Variants in ANKFY1 observed in about 807,000 individuals in gnomAD.
The protein encoded by ANKFY1 is ankyrin repeat and FYVE domain-containing protein 1.
ANKFY1 carries 47 observed loss-of-function variants against 128.3 expected under a neutral mutation model. That is an observed-to-expected ratio of 0.37 (90% confidence interval 0.29 to 0.47). The LOEUF (loss-of-function observed/expected upper bound fraction) is 0.47, where lower values mean the gene tolerates loss of function less well. Ranked by LOEUF, ANKFY1 falls within the 20% of genes least tolerant of loss-of-function variation. ANKFY1 has a pLI of 1.00. For missense variants in ANKFY1, 1,222 were observed against 1,510.6 expected (o/e 0.81, Z 3.17); for synonymous variants, 553 against 601.6 (o/e 0.92, Z 1.18).
At chr17:4,202,565 C>T (rs1230499906) in intron 7 of ANKFY1, among the ~76,000 whole-genome samples, 14 of 149,584 alleles carry the variant, frequency 9.4e-5, no homozygotes, top group Admixed American at 7.4e-4. Flanking sequence ...GGCATGGTGG[C>T]GCGCGCCTGT....
At chr17:4,195,297 TAACTTC>T in intron 9 of ANKFY1, 100 bp downstream of exon 9, 1 of 1,434,790 alleles carries the variant, frequency 7.0e-7, no homozygotes, top group Admixed American at 2.0e-5. Flanking sequence ...TAGCTCACTT[TAACTTC>T]TTAATATATG....
intron 4 of ANKFY1, among the ~76,000 whole-genome samples, chr17:4,210,439 T>C (rs1235184709): frequency 6.6e-6 from 1 of 152,224 alleles, no homozygotes; most frequent in African/African-American, 2.4e-5. Flanking sequence ...CTGGGTGCAG[T>C]GGCTCACGCC....
intron 1 of ANKFY1, among the ~76,000 whole-genome samples, chr17:4,259,274 A>G (rs1178515735): frequency 6.6e-6 from 1 of 152,178 alleles, no homozygotes; most frequent in Non-Finnish European, 1.5e-5. Flanking sequence ...GCTCTTAAAC[A>G]CTACATTTTA....
At chr17:4,254,368 AG>A (rs2143524253) in intron 1 of ANKFY1, among the ~76,000 whole-genome samples, 1 of 150,846 alleles carries the variant, frequency 6.6e-6, no homozygotes, top group African/African-American at 2.4e-5. Context: ...CACTCAGAGT[AG>A]GTCTTGTGAA....
intron 4 of ANKFY1, among the ~76,000 whole-genome samples, chr17:4,214,261 A>G (rs2060184297): frequency 6.6e-6 from 1 of 152,218 alleles, no homozygotes. Flanking sequence ...ATCTTTTATT[A>G]AAGCTGGCAG....
rs140551682 is a variant in ANKFY1, at chr17:4,222,701, G to A, written c.323-5583C>T. The A allele has an allele frequency of 7.2e-4, 619 of 865,730 alleles. 1 individual carries two copies. The highest frequency in any genetic ancestry group is 7.1e-4 in the Non-Finnish European group (356 of 499,732). 53.6% of individuals were successfully genotyped at this position (865,730 alleles called of 1,614,324 possible). On this transcript the variant is annotated intron_variant, in intron 3 of 24. Transcript: ENST00000341657. The stretch of plus-strand genomic sequence containing the variant: ...GACACGCAGCTCCAACCACTTCTAC[G>A]CGTGTTTTATATTAGGGTAGGGTTT...
chr17:4,170,649 C>T, intron 23 of ANKFY1, 66 bp downstream of exon 23: 4 of 1,539,976 alleles, frequency 2.6e-6, no homozygotes, highest in African/African-American at 1.4e-5. Flanking sequence ...ATCACCAATA[C>T]AATACATGGC....
chr17:4,263,867 T>G (rs899859240), intron 1 of ANKFY1, 65 bp downstream of exon 1: 9 of 1,612,834 alleles, frequency 5.6e-6, no homozygotes, highest in African/African-American at 1.3e-5. Context: ...CACGGCAGCT[T>G]CGCACGGCCA....
intron 1 of ANKFY1, among the ~76,000 whole-genome samples, chr17:4,256,378 A>T (rs1185438656): frequency 6.6e-6 from 1 of 152,114 alleles, no homozygotes; most frequent in Non-Finnish European, 1.5e-5. Context: ...CAGTGAGCTG[A>T]GATCGCACCA....
At chr17:4,194,175 C>T (rs2059773971) in intron 10 of ANKFY1, among the ~76,000 whole-genome samples, 1 of 135,606 alleles carries the variant, frequency 7.4e-6, no homozygotes, top group East Asian at 2.2e-4. Context: ...ATGGCACGAT[C>T]TTGGCTCACT....
At chr17:4,168,128 A>G (rs2059244270) in intron 24 of ANKFY1, 2 of 444,794 alleles carry the variant, frequency 4.5e-6, no homozygotes, top group Admixed American at 3.8e-5. Context: ...GCAATACTGA[A>G]GAAGGCTTTT....
chr17:4,230,243 G>C (rs1218141296), intron 3 of ANKFY1, among the ~76,000 whole-genome samples: 1 of 152,208 alleles, frequency 6.6e-6, no homozygotes, highest in Non-Finnish European at 1.5e-5. Context: ...CCCAACCAGA[G>C]TGAAAAGGAA....
At position 4,208,031 on chromosome 17, in the gene ANKFY1, T is replaced by C; in HGVS notation, c.634A>G (p.Lys212Glu). 1.2e-6 allele frequency: 2 copies of C among 1,611,792 alleles called. No individual in the cohort carries two copies. The highest frequency in any genetic ancestry group is 1.7e-6 in the Non-Finnish European group (2 of 1,179,116). Residue 212 changes from lysine (K) to glutamate (E), a missense_variant, in exon 6 of 25, where the codon AAA becomes GAA. By Grantham distance (56) the Lys-to-Glu change is moderately conservative. Coordinates refer to ENST00000341657, the MANE Select transcript of ANKFY1 (RefSeq NM_001330063.2). ...FSSMSAQLLYKMIKSKTEYPL... is the reference protein window; with the variant it reads ...FSSMSAQLLYEMIKSKTEYPL... ...TACTCTGTCTTGGATTTGATCATTT[T>C]GTATAACAACTGAGCGCTCATGCTG...
intron 1 of ANKFY1, among the ~76,000 whole-genome samples, chr17:4,261,657 C>CA (rs1356882409): frequency 6.6e-6 from 1 of 152,244 alleles, no homozygotes; most frequent in Non-Finnish European, 1.5e-5. Flanking sequence ...TATGCTGACT[C>CA]AGCCTGTATG....
At chr17:4,179,177 G>A in intron 17 of ANKFY1, 120 bp from the exon 18 acceptor site, 1 of 1,091,780 alleles carries the variant, frequency 9.2e-7, no homozygotes, top group South Asian at 1.4e-5. Context: ...CTACCACCCT[G>A]TGTTTGACTC....
At chr17:4,244,387 A>G (rs1489488585) in intron 1 of ANKFY1, among the ~76,000 whole-genome samples, 1 of 152,194 alleles carries the variant, frequency 6.6e-6, no homozygotes, top group African/African-American at 2.4e-5. Flanking sequence ...TTCCCTGAGG[A>G]AGCCGTCATG....
rs574424971 is a variant in ANKFY1 at position 4,198,155 on chromosome 17, T to C, written c.899-578A>G. Among the ~76,000 whole-genome samples, 11 of 150,944 alleles carry C rather than the reference T, an allele frequency of 7.3e-5. No individual in the cohort carries two copies. The East Asian group carries it at 2.1e-3, about 29-fold the overall frequency. On this transcript the variant is annotated intron_variant, in intron 7 of 24. Transcript: ENST00000341657. ...AAAAAAAAAAAAAAGAACACTAGGCTTCTACTCTTCAAAGGCCTCCTTCGG... is the reference window on the plus strand; with the variant it reads ...AAAAAAAAAAAAAAGAACACTAGGCCTCTACTCTTCAAAGGCCTCCTTCGG...
chr17:4,208,178 T>C, intron 5 of ANKFY1, 96 bp from the exon 6 acceptor site: 2 of 1,246,036 alleles, frequency 1.6e-6, no homozygotes, highest in Non-Finnish European at 2.2e-6. Flanking sequence ...GTCAGGCCCT[T>C]CTTTAAGGGC....
rs2059267829 is a variant in ANKFY1, at chr17:4,169,148, G to T, written c.3377+50C>A. The stretch of plus-strand genomic sequence containing the variant: ...TGTCCTGGAGAAGGGGGGAAGCAAT[G>T]ACATCAGCGGCAGTCCCCTCGCTCC... On this transcript the variant is annotated intron_variant, in intron 24 of 24. Transcript: ENST00000341657. This position sits in a 1 kb window ranked among gnomAD's most constrained non-coding sequence, Gnocchi z 5.0. The T allele has an allele frequency of 1.3e-6, 2 of 1,483,296 alleles. No homozygotes were observed. The highest frequency in any genetic ancestry group is 1.2e-5 in the South Asian group (1 of 82,568). 91.9% of individuals were successfully genotyped at this position (1,483,296 alleles called of 1,614,324 possible).
Sources: gnomAD v4.1 joint callset for allele counts (sites outside exome capture counted in the v4.1 genomes callset) on GRCh38, gnomAD v4.1.1 for gene constraint, Gnocchi (gnomAD v3.1) non-coding constraint, MANE v1.5 for transcripts, NCBI Gene and HGNC (gene_info 2026-07-23, HGNC 2026-07-21) for gene names.